PCNX1: variants seen among roughly 807,000 people sequenced by gnomAD.
PCNX1 encodes the protein pecanex-like protein 1.
A neutral mutation model predicts 242.2 loss-of-function variants in PCNX1; 78 were observed. The observed-to-expected ratio is 0.32, with a 90% CI of 0.27 to 0.39. PCNX1 has a LOEUF of 0.39. PCNX1 is among the 10% of genes least tolerant of loss of function. The pLI, the probability that PCNX1 is intolerant of heterozygous loss-of-function variation, is 1.00. For synonymous variants in PCNX1, 1,024 were observed against 1,032.9 expected, an observed-to-expected ratio of 0.99 and a Z score of 0.17; for missense variants, 2,581 against 2,856.5, an observed-to-expected ratio of 0.90 and a Z score of 2.20.
intron 2 of PCNX1, among the ~76,000 whole-genome samples, chr14:70,951,894 T>C (rs1341263805): frequency 6.6e-6 from 1 of 152,226 alleles, no homozygotes; most frequent in African/African-American, 2.4e-5. Context: ...TTATGTCTTA[T>C]AACCTTTCAC....
intron 8 of PCNX1, among the ~76,000 whole-genome samples, chr14:71,004,386 C>G (rs1287886577): frequency 6.6e-6 from 1 of 152,236 alleles, no homozygotes; most frequent in Non-Finnish European, 1.5e-5. Flanking sequence ...GCGGAGCGAG[C>G]ATTTCTGCCT....
intron 12 of PCNX1, among the ~76,000 whole-genome samples, chr14:71,022,037 T>A (rs1319723120): frequency 6.6e-6 from 1 of 152,158 alleles, no homozygotes; most frequent in Non-Finnish European, 1.5e-5. Context: ...ACAGACATTT[T>A]AAAAATAGCA....
At position 70,949,269 on chromosome 14, in the gene PCNX1, G is replaced by GTATATA. The variant is rs1566608373; in HGVS notation, c.362+2146_362+2147insTATATA. 8.3e-3 allele frequency among the ~76,000 whole-genome samples: 232 copies of GTATATA among 27,838 alleles called. 1 individual carries two copies. Among genetic ancestry groups the GTATATA allele is most frequent in the African/African-American group, 0.021 (213 of 10,096 alleles). The allele number at this position is 27,838 out of a possible 152,430, so 18.3% of individuals were successfully genotyped here. A position where few individuals can be genotyped will look rare whatever the true frequency, so the allele number is the denominator to read the frequency against. ...CACGTGTATACACACACACGTGTAT[G>GTATATA]CACACACGTGTATACACACACGTGT... On this transcript the variant is annotated intron_variant, in intron 2 of 35. Transcript: ENST00000304743.
chr14:70,991,260 A>C (rs1444224748), intron 7 of PCNX1, among the ~76,000 whole-genome samples: 1 of 143,416 alleles, frequency 7.0e-6, no homozygotes, highest in African/African-American at 2.6e-5. Context: ...GCTGGAGTGC[A>C]GTGGCGCGAT....
intron 24 of PCNX1, chr14:71,053,413 G>C: frequency 2.6e-6 from 1 of 388,482 alleles, no homozygotes; most frequent in Non-Finnish European, 5.0e-6. Flanking sequence ...CGCCTCCCAG[G>C]TTCAAGCAAT....
intron 26 of PCNX1, among the ~76,000 whole-genome samples, chr14:71,066,862 A>G (rs2061459862): frequency 6.6e-6 from 1 of 152,198 alleles, no homozygotes; most frequent in Admixed American, 6.5e-5. Flanking sequence ...ATCTATTGAG[A>G]TAATCATATA....
intron 16 of PCNX1, chr14:71,031,799 T>C (rs922323068): frequency 6.1e-6 from 9 of 1,479,410 alleles, no homozygotes; most frequent in Non-Finnish European, 8.5e-6. Flanking sequence ...AGGGAGCCCA[T>C]GCATAGCTTG....
intron 3 of PCNX1, 128 bp from the exon 4 acceptor site, chr14:70,968,070 A>G: frequency 1.4e-6 from 1 of 728,368 alleles, no homozygotes; most frequent in Non-Finnish European, 2.4e-6. Context: ...GTATCTTCTA[A>G]TATTGATAAA....
At chr14:70,941,788 G>A (rs2057257717) in intron 1 of PCNX1, among the ~76,000 whole-genome samples, 1 of 152,224 alleles carries the variant, frequency 6.6e-6, no homozygotes, top group South Asian at 2.1e-4. Context: ...CCCAGTTAGA[G>A]CTTCCTGGCA....
Position 70,977,876 on chromosome 14 carries a change from CAAA to C in PCNX1, c.1540_1542del (p.Lys514del), listed in dbSNP as rs757594652. 45 of 1,613,944 alleles carry C rather than the reference CAAA, an allele frequency of 2.8e-5. No individual in the cohort carries two copies. Among genetic ancestry groups the C allele is most frequent in the Non-Finnish European group, 3.7e-5 (44 of 1,180,012 alleles). ...GACCACCTGGGAACACTGCAGAAAA[CAAA>C]GAAGAGAAGAGTGATAAGTCAGCTG... On this transcript the variant is annotated inframe_deletion, in exon 6 of 36. Coordinates refer to ENST00000304743, the MANE Select transcript of PCNX1 (RefSeq NM_014982.3).
At chr14:71,103,354 C>A (rs769030841) in intron 31 of PCNX1, 41 bp from the exon 32 acceptor site, 2 of 1,597,156 alleles carry the variant, frequency 1.3e-6, no homozygotes, top group Non-Finnish European at 1.7e-6. Context: ...GAATTTTATT[C>A]TTGGCCCCTT....
At chr14:71,010,896 C>G (rs1056230352) in intron 9 of PCNX1, among the ~76,000 whole-genome samples, 1 of 152,102 alleles carries the variant, frequency 6.6e-6, no homozygotes, top group African/African-American at 2.4e-5. Flanking sequence ...TCTTTAAGCT[C>G]CTTTGGTCTA....
intron 27 of PCNX1, among the ~76,000 whole-genome samples, chr14:71,074,954 C>T (rs1015106610): frequency 6.6e-6 from 1 of 150,562 alleles, no homozygotes; most frequent in East Asian, 1.9e-4. Context: ...TAATAACCAA[C>T]ATCTGAATTT....
At chr14:70,976,831 G>T in intron 5 of PCNX1, 111 bp from the exon 6 acceptor site, 2 of 941,408 alleles carry the variant, frequency 2.1e-6, no homozygotes, top group Non-Finnish European at 3.2e-6. Context: ...AACTACTTGA[G>T]AAATTATTTA....
chr14:71,009,133 A>G (rs1242749437), intron 8 of PCNX1, among the ~76,000 whole-genome samples: 1 of 152,208 alleles, frequency 6.6e-6, no homozygotes, highest in Non-Finnish European at 1.5e-5. Flanking sequence ...AATTATCACC[A>G]ACAATACTAG....
At chr14:70,948,518 A>G (rs2057552973) in intron 2 of PCNX1, among the ~76,000 whole-genome samples, 1 of 152,082 alleles carries the variant, frequency 6.6e-6, no homozygotes, top group Admixed American at 6.5e-5. Flanking sequence ...CATGGCTTAT[A>G]AATCTCAGCA....
chr14:70,996,127 T>A (rs2140340248), intron 8 of PCNX1, among the ~76,000 whole-genome samples: 1 of 152,292 alleles, frequency 6.6e-6, no homozygotes, highest in Middle Eastern at 3.4e-3. Flanking sequence ...TATTCTGCAT[T>A]TTCTTTTGGT....
chr14:70,949,744 C>T (rs1228315263), intron 2 of PCNX1, among the ~76,000 whole-genome samples: 1 of 152,162 alleles, frequency 6.6e-6, no homozygotes, highest in African/African-American at 2.4e-5. Context: ...TGGCCTTGCC[C>T]ACTTTCCACT....
chr14:70,973,220 T>G (rs1287094675), intron 5 of PCNX1, among the ~76,000 whole-genome samples: 1 of 141,862 alleles, frequency 7.0e-6, no homozygotes, highest in Non-Finnish European at 1.5e-5. Flanking sequence ...AGCACTACAC[T>G]CCAGCCTGAG....
Sources: gnomAD v4.1 joint callset for allele counts (sites outside exome capture counted in the v4.1 genomes callset) on GRCh38, gnomAD v4.1.1 for gene constraint, MANE v1.5 for transcripts, NCBI Gene and HGNC (gene_info 2026-07-23, HGNC 2026-07-21) for gene names.